KDM3B: variants seen among roughly 807,000 people sequenced by gnomAD.
KDM3B encodes the protein lysine-specific demethylase 3B.
Under a neutral mutation model 170.0 loss-of-function variants are expected in KDM3B, and 10 were observed. That is an observed-to-expected ratio of 0.06 (90% CI 0.04 to 0.10). The LOEUF is 0.10. Ranked by LOEUF, KDM3B falls within the 10% of genes least tolerant of loss-of-function variation. The pLI is 1.00. For missense variants in KDM3B, 1,394 were observed against 2,195.2 expected (o/e 0.64, Z 7.29); for synonymous variants, 831 against 834.8 (o/e 1.00, Z 0.08).
chr5:138,376,718 A>G (rs1034411258), intron 3 of KDM3B, among the ~76,000 whole-genome samples: 7 of 151,674 alleles, frequency 4.6e-5, no homozygotes, highest in African/African-American at 1.7e-4. Context: ...AAAAAAGAAA[A>G]AAAAAAAAAA....
intron 8 of KDM3B, among the ~76,000 whole-genome samples, chr5:138,392,893 C>G (rs778944032): frequency 2.6e-5 from 4 of 152,174 alleles, no homozygotes; most frequent in Non-Finnish European, 5.9e-5. Flanking sequence ...CAGGTGATGG[C>G]TACATTCTGG....
chr5:138,433,026 GAGCCACTGCGCCC>G (rs1763576086), intron 23 of KDM3B, among the ~76,000 whole-genome samples: 1 of 152,038 alleles, frequency 6.6e-6, no homozygotes, highest in Non-Finnish European at 1.5e-5. Flanking sequence ...TTACAGGCGT[GAGCCACTGCGCCC>G]AGCCTGAAGA....
In KDM3B at chr5:138,415,207, A is replaced by C. The variant is rs541682197; in HGVS notation, c.3275A>C (p.Asn1092Thr). Residue 1092 changes from asparagine to threonine, a missense_variant, in exon 12 of 24, where the codon AAT becomes ACT. Asn to Thr is a moderately conservative substitution (Grantham distance 65, BLOSUM62 0). Around this residue, in one of 19 missense-constraint regions of KDM3B, gnomAD observed 44 missense variants for 71.1 expected, o/e 0.62. Coordinates refer to ENST00000314358, the MANE Select transcript of KDM3B (RefSeq NM_016604.4). ...AAGGGACAGTCCCACGAACCAGAGA[A>C]TCTCATGCCCACACAAATTATTCCT... ...CAKGQSHEPE[N>T]LMPTQIIPGT... 17 of 1,609,446 alleles carry C rather than the reference A, an allele frequency of 1.1e-5. 2 individuals carry two copies. In the South Asian group the frequency reaches 1.8e-4, roughly 17 times the overall value.
chr5:138,372,949 C>A (rs73255874), intron 2 of KDM3B, 108 bp downstream of exon 2: 2 of 966,728 alleles, frequency 2.1e-6, no homozygotes, highest in Non-Finnish European at 2.9e-6. Context: ...TTGTCCTTAA[C>A]GTACATTTAT....
chr5:138,358,760 TTTTA>T (rs1016828848), intron 1 of KDM3B, among the ~76,000 whole-genome samples: 92 of 150,062 alleles, frequency 6.1e-4, no homozygotes, highest in African/African-American at 1.7e-3. Context: ...ATTCTCAGCT[TTTTA>T]TTTATTTATT....
intron 7 of KDM3B, among the ~76,000 whole-genome samples, chr5:138,387,839 T>G (rs1762313317): frequency 6.6e-6 from 1 of 152,150 alleles, no homozygotes; most frequent in Admixed American, 6.5e-5. Flanking sequence ...CCCAGCACTT[T>G]GGGAGGCCAA....
chr5:138,400,782 G>A (rs28786717), intron 11 of KDM3B, among the ~76,000 whole-genome samples: 39,680 of 151,726 alleles, frequency 0.26, 5,374 homozygotes, highest in Middle Eastern at 0.28. Context: ...AGGTTGTACA[G>A]CCATTATCTA....
intron 11 of KDM3B, among the ~76,000 whole-genome samples, chr5:138,401,559 GA>G (rs1762695333): frequency 6.6e-6 from 1 of 152,182 alleles, no homozygotes; most frequent in South Asian, 2.1e-4. Flanking sequence ...TGGCTATTAT[GA>G]ATAGTGCTAC....
At chr5:138,360,560 A>AT (rs1761572474) in intron 1 of KDM3B, among the ~76,000 whole-genome samples, 1 of 120,522 alleles carries the variant, frequency 8.3e-6, no homozygotes, top group African/African-American at 3.0e-5. Flanking sequence ...GTGAATTTTA[A>AT]TAGTTCTATT....
At chr5:138,380,401 CAA>C (rs765363589) in intron 5 of KDM3B, among the ~76,000 whole-genome samples, 13 of 149,826 alleles carry the variant, frequency 8.7e-5, no homozygotes, top group Non-Finnish European at 1.9e-4. Context: ...ACTTTAGTAA[CAA>C]ATAAGATCAT....
At chr5:138,435,422 C>T (rs955358359) in intron 23 of KDM3B, among the ~76,000 whole-genome samples, 198 bp from the exon 24 acceptor site, 1 of 152,200 alleles carries the variant, frequency 6.6e-6, no homozygotes, top group African/African-American at 2.4e-5. Flanking sequence ...ATCAGATGGC[C>T]TTTCACATAA....
chr5:138,387,835 A>C (rs1165224220), intron 7 of KDM3B, among the ~76,000 whole-genome samples: 4 of 152,318 alleles, frequency 2.6e-5, no homozygotes, highest in African/African-American at 9.6e-5. Context: ...TAATCCCAGC[A>C]CTTTGGGAGG....
intron 3 of KDM3B, among the ~76,000 whole-genome samples, chr5:138,376,737 G>A (rs1253761335): frequency 6.6e-6 from 1 of 151,632 alleles, no homozygotes; most frequent in Non-Finnish European, 1.5e-5. Context: ...AAAGGCAGAG[G>A]TGGCTTCTCC....
intron 11 of KDM3B, among the ~76,000 whole-genome samples, chr5:138,411,331 C>T (rs1220923936): frequency 2.6e-5 from 4 of 152,062 alleles, no homozygotes; most frequent in African/African-American, 9.7e-5. Flanking sequence ...GATTATAGAG[C>T]GAGGATTATT....
chr5:138,366,770 A>C (rs1302128694), intron 1 of KDM3B, among the ~76,000 whole-genome samples: 1 of 152,242 alleles, frequency 6.6e-6, no homozygotes, highest in African/African-American at 2.4e-5. Flanking sequence ...TGGGTGACAG[A>C]CCAAAAGATA....
At chr5:138,425,149 C>T (rs1763362373) in intron 16 of KDM3B, among the ~76,000 whole-genome samples, 1 of 152,134 alleles carries the variant, frequency 6.6e-6, no homozygotes, top group South Asian at 2.1e-4. Context: ...GATTTTTGTC[C>T]TTTCACCTTA....
intron 11 of KDM3B, among the ~76,000 whole-genome samples, chr5:138,402,324 C>T (rs1665700219): frequency 6.6e-6 from 1 of 152,168 alleles, no homozygotes. Context: ...TGCCCCTTGA[C>T]TTTTTCATTC....
chr5:138,397,176 A>G (rs1438720639), intron 9 of KDM3B, among the ~76,000 whole-genome samples: 1 of 152,112 alleles, frequency 6.6e-6, no homozygotes, highest in African/African-American at 2.4e-5. Flanking sequence ...CTAAAAATAC[A>G]AAAACAAAAT....
intron 22 of KDM3B, among the ~76,000 whole-genome samples, chr5:138,431,080 A>T (rs1279219210): frequency 6.6e-6 from 1 of 151,946 alleles, no homozygotes; most frequent in African/African-American, 2.4e-5. Flanking sequence ...GCAAATACTG[A>T]TATTTTTATG....
Sources: allele counts gnomAD v4.1 joint callset (sites outside exome capture counted in the v4.1 genomes callset), GRCh38; gene constraint gnomAD v4.1.1; regional missense constraint gnomAD v4.1.1; transcripts MANE v1.5; gene names NCBI Gene and HGNC (gene_info 2026-07-23, HGNC 2026-07-21).